FRMD4B: variants seen among roughly 807,000 people sequenced by gnomAD.
The protein encoded by FRMD4B is FERM domain containing 4B, also known as FERM domain-containing protein 4B.
A neutral mutation model predicts 141.5 loss-of-function variants in FRMD4B; 74 were observed. The observed-to-expected ratio is 0.52, with a 90% CI of 0.43 to 0.63. FRMD4B has a LOEUF of 0.63. Ranked by LOEUF, FRMD4B falls within the 30% of genes least tolerant of loss-of-function variation. FRMD4B has a pLI of 0.00. For missense variants in FRMD4B, 1,366 were observed against 1,253.4 expected, an observed-to-expected ratio of 1.09 and a Z score of -1.36; for synonymous variants, 506 against 467.9, an observed-to-expected ratio of 1.08 and a Z score of -1.05.
intron 1 of FRMD4B, among the ~76,000 whole-genome samples, chr3:69,496,638 AGAGAGAG>A (rs1706400866): frequency 5.0e-5 from 2 of 39,618 alleles, no homozygotes; most frequent in African/African-American, 1.9e-4. Flanking sequence ...AGAGAGAGAA[AGAGAGAG>A]AGAGAGAGAG....
intron 1 of FRMD4B, among the ~76,000 whole-genome samples, chr3:69,350,878 G>A (rs1703123066): frequency 6.6e-6 from 1 of 151,894 alleles, no homozygotes; most frequent in African/African-American, 2.4e-5. Flanking sequence ...TATACCTAAT[G>A]TAAATGATGA....
intron 11 of FRMD4B, among the ~76,000 whole-genome samples, chr3:69,206,315 A>G (rs1295287101): frequency 6.6e-6 from 1 of 152,174 alleles, no homozygotes; most frequent in Non-Finnish European, 1.5e-5. Context: ...GTGCCACTGC[A>G]CTCCAGCCTG....
At chr3:69,218,951 TCA>T (rs944861450) in intron 9 of FRMD4B, among the ~76,000 whole-genome samples, 1 of 152,032 alleles carries the variant, frequency 6.6e-6, no homozygotes, top group African/African-American at 2.4e-5. Flanking sequence ...TCACCTGAGG[TCA>T]GGAGTTCAAG....
intron 2 of FRMD4B, among the ~76,000 whole-genome samples, chr3:69,406,911 A>ATTT (rs67956877): frequency 7.0e-4 from 95 of 135,186 alleles, no homozygotes; most frequent in African/African-American, 2.1e-3. Context: ...TTTAATTTTA[A>ATTT]TTTTTTTTTT....
intron 1 of FRMD4B, among the ~76,000 whole-genome samples, chr3:69,509,554 G>A (rs894723979): frequency 6.6e-6 from 1 of 152,152 alleles, no homozygotes; most frequent in African/African-American, 2.4e-5. Context: ...TGATGAAAGA[G>A]TTCTCAGAAA....
At chr3:69,235,190 A>G (rs1337442654) in intron 7 of FRMD4B, among the ~76,000 whole-genome samples, 2 of 145,960 alleles carry the variant, frequency 1.4e-5, no homozygotes, top group African/African-American at 5.1e-5. Flanking sequence ...TAATAATAAT[A>G]ATAATAATAT....
At chr3:69,362,625 C>T (rs1337580229) in intron 1 of FRMD4B, among the ~76,000 whole-genome samples, 12 of 151,652 alleles carry the variant, frequency 7.9e-5, no homozygotes, top group Admixed American at 5.9e-4. Context: ...TGCAGTGAGC[C>T]GGGATCGTGC....
At chr3:69,295,928 T>C (rs145612342) in intron 4 of FRMD4B, among the ~76,000 whole-genome samples, 15 of 152,294 alleles carry the variant, frequency 9.8e-5, no homozygotes, top group African/African-American at 2.6e-4. Flanking sequence ...GTGATTCTCC[T>C]GCCTCAGCCT....
At chr3:69,386,269 G>T (rs1466365251), upstream of FRMD4B, 6 of 324,252 alleles carry the variant, frequency 1.9e-5, no homozygotes, top group Admixed American at 5.0e-5. Context: ...GCTCCACCAA[G>T]CTGGCCCTCG....
upstream of FRMD4B, among the ~76,000 whole-genome samples, chr3:69,390,655 G>A (rs1029145082): frequency 9.2e-5 from 14 of 152,118 alleles, no homozygotes; most frequent in Admixed American, 2.0e-4. Flanking sequence ...CACTTTGGGA[G>A]GCCAAGGCTG....
chr3:69,188,058 T>C (rs1357963563), intron 18 of FRMD4B, 141 bp from the exon 19 acceptor site: 3 of 639,718 alleles, frequency 4.7e-6, no homozygotes, highest in East Asian at 5.7e-5. Flanking sequence ...TAGAAGAACA[T>C]AACTCTTTCA....
intron 1 of FRMD4B, among the ~76,000 whole-genome samples, chr3:69,517,612 A>C (rs543666460): frequency 6.6e-6 from 1 of 152,312 alleles, no homozygotes; most frequent in Admixed American, 6.5e-5. Flanking sequence ...GGATTAATGC[A>C]CAGTGACAAT....
chr3:69,375,326 C>T (rs1703944619), intron 1 of FRMD4B, among the ~76,000 whole-genome samples: 2 of 151,892 alleles, frequency 1.3e-5, no homozygotes, highest in Non-Finnish European at 2.9e-5. Flanking sequence ...TCCATCCATC[C>T]AATCATCTAT....
chr3:69,477,371 A>G (rs1706020558), intron 1 of FRMD4B, among the ~76,000 whole-genome samples: 1 of 145,678 alleles, frequency 6.9e-6, no homozygotes, highest in Non-Finnish European at 1.5e-5. Context: ...AATTTGAGAT[A>G]CGTCCCATCA....
At chr3:69,508,219 T>A (rs1032083704) in intron 1 of FRMD4B, among the ~76,000 whole-genome samples, 4 of 152,166 alleles carry the variant, frequency 2.6e-5, no homozygotes, top group Non-Finnish European at 4.4e-5. Flanking sequence ...AAGGGTAACA[T>A]TTTACATAAG....
intron 9 of FRMD4B, among the ~76,000 whole-genome samples, chr3:69,220,966 CTT>C (rs113009670): frequency 2.1e-5 from 3 of 145,220 alleles, no homozygotes; most frequent in Non-Finnish European, 1.5e-5. Flanking sequence ...AGTGTAGCAA[CTT>C]TTTTTTTTTT....
intron 1 of FRMD4B, among the ~76,000 whole-genome samples, chr3:69,314,227 T>TAAAAAAA (rs59090061): frequency 1.8e-5 from 2 of 109,242 alleles, no homozygotes; most frequent in African/African-American, 3.7e-5. Context: ...AATGTTTTAT[T>TAAAAAAA]AAAAAAAAAA....
intron 7 of FRMD4B, among the ~76,000 whole-genome samples, chr3:69,232,459 C>A (rs1202425699): frequency 6.6e-6 from 1 of 152,138 alleles, no homozygotes; most frequent in East Asian, 1.9e-4. Context: ...TGCCCATGAC[C>A]CACTATTTAG....
At chr3:69,254,602 C>T (rs931962604) in intron 5 of FRMD4B, among the ~76,000 whole-genome samples, 2 of 152,112 alleles carry the variant, frequency 1.3e-5, no homozygotes, top group Non-Finnish European at 2.9e-5. Context: ...GCTTCATGAG[C>T]CTCCTGATCA....
Sources: gnomAD v4.1 joint callset for allele counts (sites outside exome capture counted in the v4.1 genomes callset) on GRCh38, gnomAD v4.1.1 for gene constraint, MANE v1.5 for transcripts, NCBI Gene and HGNC (gene_info 2026-07-23, HGNC 2026-07-21) for gene names.